The following MSI2 variants were observed in gnomAD, a reference collection of about 807,000 sequenced individuals.
MSI2 encodes the protein RNA-binding protein Musashi homolog 2.
MSI2 carries 17 observed loss-of-function variants against 45.6 expected under a neutral mutation model. That is an observed-to-expected ratio of 0.37 (90% CI 0.26 to 0.56). MSI2 has a LOEUF of 0.56. MSI2 is among the 20% of genes least tolerant of loss of function. The pLI is 0.77. For synonymous variants in MSI2, 156 were observed against 158.2 expected (o/e 0.99, Z 0.11); for missense variants, 293 against 444.2 (o/e 0.66, Z 3.06).
At chr17:57,441,800 C>T (rs933810884) in intron 6 of MSI2, among the ~76,000 whole-genome samples, 14 of 152,174 alleles carry the variant, frequency 9.2e-5, no homozygotes, top group African/African-American at 3.1e-4. Context: ...AGCATGTTGC[C>T]TGGCACACAG....
At chr17:57,320,764 G>A (rs183867856) in intron 5 of MSI2, among the ~76,000 whole-genome samples, 5 of 152,218 alleles carry the variant, frequency 3.3e-5, no homozygotes, top group East Asian at 3.9e-4. Context: ...AATACTAAGC[G>A]GACTCTTGCT....
intron 5 of MSI2, among the ~76,000 whole-genome samples, chr17:57,298,694 G>A (rs1911188049): frequency 6.6e-6 from 1 of 152,204 alleles, no homozygotes; most frequent in African/African-American, 2.4e-5. Flanking sequence ...TCCAGGCTTT[G>A]TTGTTCAAAT....
At chr17:57,463,000 G>C (rs533545042) in intron 6 of MSI2, among the ~76,000 whole-genome samples, 1 of 152,362 alleles carries the variant, frequency 6.6e-6, no homozygotes, top group Admixed American at 6.5e-5. Flanking sequence ...AGGCCATGGG[G>C]CCCCTTCCAC....
chr17:57,501,288 G>T (rs2086101407), intron 6 of MSI2, among the ~76,000 whole-genome samples: 1 of 152,228 alleles, frequency 6.6e-6, no homozygotes, highest in South Asian at 2.1e-4. Flanking sequence ...ACATCTGCAG[G>T]AGTGTTTGCT....
At chr17:57,272,807 G>A (rs1328348259) in intron 5 of MSI2, among the ~76,000 whole-genome samples, 9 of 152,160 alleles carry the variant, frequency 5.9e-5, no homozygotes, top group African/African-American at 2.4e-5. Flanking sequence ...AGTACTGGGC[G>A]AGTGTTCTGA....
At chr17:57,268,662 C>G (rs1908051740) in intron 5 of MSI2, 1 of 152,004 alleles carries the variant, frequency 6.6e-6, no homozygotes. Context: ...ATGGTGAAAC[C>G]CCGTCTCTAC....
chr17:57,549,335 A>G (rs1219887572), intron 7 of MSI2, among the ~76,000 whole-genome samples: 2 of 128,928 alleles, frequency 1.6e-5, no homozygotes, highest in African/African-American at 6.6e-5. Flanking sequence ...TTTTTTTGCA[A>G]CAAATGGGTT....
At chr17:57,438,757 T>C (rs2084738579) in intron 6 of MSI2, among the ~76,000 whole-genome samples, 1 of 151,744 alleles carries the variant, frequency 6.6e-6, no homozygotes, top group Admixed American at 6.6e-5. Context: ...AATCCCAGTC[T>C]GACCGGAGCC....
chr17:57,642,895 C>T (rs1038096248), intron 10 of MSI2, among the ~76,000 whole-genome samples: 1 of 152,126 alleles, frequency 6.6e-6, no homozygotes. Context: ...AGTGATTCAG[C>T]GGTAGAATGG....
At chr17:57,299,111 A>C (rs1163732034) in intron 5 of MSI2, among the ~76,000 whole-genome samples, 1 of 152,216 alleles carries the variant, frequency 6.6e-6, no homozygotes, top group Non-Finnish European at 1.5e-5. Flanking sequence ...TTTCTTCTGC[A>C]CTTCTCAGCC....
chr17:57,326,205 C>CT (rs905611788), intron 5 of MSI2, among the ~76,000 whole-genome samples: 36 of 147,394 alleles, frequency 2.4e-4, no homozygotes, highest in Admixed American at 7.4e-4. Flanking sequence ...GAAAGCCAAA[C>CT]TTTTTTTTTT....
intron 5 of MSI2, chr17:57,278,434 AGAG>A (rs1445833976): frequency 6.6e-6 from 1 of 152,388 alleles, no homozygotes; most frequent in Non-Finnish European, 1.5e-5. Context: ...AGGAGGGACA[AGAG>A]GAGGACCAAT....
intron 12 of MSI2, among the ~76,000 whole-genome samples, chr17:57,676,627 C>G (rs1179339544): frequency 2.6e-5 from 4 of 152,188 alleles, no homozygotes. Context: ...TTTCTTCTCC[C>G]CAGCTAGAGC....
intron 5 of MSI2, chr17:57,265,932 G>T (rs1281903894): frequency 1.1e-4 from 16 of 152,196 alleles, no homozygotes; most frequent in Admixed American, 1.0e-3. Context: ...AGTTTTGCTT[G>T]AGCTCGTGGG....
intron 7 of MSI2, among the ~76,000 whole-genome samples, chr17:57,575,147 T>TCCCCCCCCCCCCCCACCC (rs371180511): frequency 2.5e-5 from 3 of 119,542 alleles, no homozygotes; most frequent in Admixed American, 8.6e-5. Flanking sequence ...CTTTTTTAAC[T>TCCCCCCCCCCCCCCACCC]CCCTCCCCCC....
At chr17:57,481,372 A>G (rs1228637127) in intron 6 of MSI2, among the ~76,000 whole-genome samples, 1 of 152,232 alleles carries the variant, frequency 6.6e-6, no homozygotes, top group African/African-American at 2.4e-5. Flanking sequence ...TGTCTTCTCC[A>G]TAAATATCCT....
chr17:57,505,496 G>A (rs899583086), intron 6 of MSI2, among the ~76,000 whole-genome samples: 3 of 152,118 alleles, frequency 2.0e-5, no homozygotes, highest in African/African-American at 2.4e-5. Flanking sequence ...AAGGGGTGGG[G>A]TCTTCCAGAC....
chr17:57,445,782 C>G (rs1056926831), intron 6 of MSI2, among the ~76,000 whole-genome samples: 1 of 152,114 alleles, frequency 6.6e-6, no homozygotes, highest in Non-Finnish European at 1.5e-5. Context: ...AGGTGTCTCC[C>G]CGAATTCCAA....
At chr17:57,488,815 A>G (rs1442832419) in intron 6 of MSI2, among the ~76,000 whole-genome samples, 1 of 151,232 alleles carries the variant, frequency 6.6e-6, no homozygotes, top group Non-Finnish European at 1.5e-5. Context: ...CAAGAGTGAA[A>G]CTCCGTCTAA....
Sources: gnomAD v4.1 joint callset for allele counts (sites outside exome capture counted in the v4.1 genomes callset) on GRCh38, gnomAD v4.1.1 for gene constraint, MANE v1.5 for transcripts, NCBI Gene and HGNC (gene_info 2026-07-23, HGNC 2026-07-21) for gene names.